Variants in STK11 observed in about 807,000 individuals in gnomAD.
STK11 encodes the protein serine/threonine-protein kinase STK11.
In STK11, 8 loss-of-function variants were observed where a neutral mutation model predicts 47.3. The observed-to-expected ratio is 0.17, with a 90% CI of 0.10 to 0.31. The LOEUF is 0.31. Among genes scored for constraint, STK11 ranks in the 10% least tolerant of loss-of-function variants. The probability of loss-of-function intolerance (pLI) is 1.00; values close to 1 mark genes in which losing one functional copy is unlikely to be tolerated. For missense variants in STK11, 475 were observed against 605.0 expected (o/e 0.79, Z 2.25); for synonymous variants, 330 against 255.8 (o/e 1.29, Z -2.77).
rs137853079 is a variant in STK11, at chr19:1,207,021, C to T, written c.108C>T (p.Tyr36=). The T allele has an allele frequency of 9.3e-6, 15 of 1,613,660 alleles. No homozygotes were observed. Among genetic ancestry groups the T allele is most frequent in the Middle Eastern group, 1.6e-4 (1 of 6,084 alleles). ...IHRIDSTEVI[Y]QPRRKRAKLI... is the part of the protein sequence containing the mutation. ...GCATCGACTCCACCGAGGTCATCTA[C>T]CAGCCGCGCCGCAAGCGGGCCAAGC... Residue 36 remains tyrosine, a synonymous_variant, in exon 1 of 10, where the codon TAC becomes TAT. Coordinates refer to ENST00000326873, the MANE Select transcript of STK11 (RefSeq NM_000455.5).
At chr19:1,218,800 C>T (rs951780925) in intron 2 of STK11, among the ~76,000 whole-genome samples, 1 of 152,240 alleles carries the variant, frequency 6.6e-6, no homozygotes. Flanking sequence ...AGACAGGCCA[C>T]GCGGGCTGAC....
intron 8 of STK11, chr19:1,224,058 G>T (rs2080804614): frequency 2.0e-6 from 2 of 1,001,464 alleles, no homozygotes; most frequent in Admixed American, 1.2e-4. Context: ...AATAGTGGGG[G>T]CCCTGCAGAG....
At chr19:1,215,912 T>G (rs542010954) in intron 1 of STK11, among the ~76,000 whole-genome samples, 1 of 152,150 alleles carries the variant, frequency 6.6e-6, no homozygotes, top group East Asian at 1.9e-4. Context: ...AATTTTTGTA[T>G]TTTTAGTAGA....
Position 1,215,758 on chromosome 19 carries a change from A to T in STK11, c.291-2659A>T, listed in dbSNP as rs148291260. ...TGACACCCCAAGTTTTTTTTTTGAG[A>T]TGGAGTCTTGCTCTGTCACCCAGGC... On this transcript the variant is annotated intron_variant, in intron 1 of 9. Transcript: ENST00000326873. Among the ~76,000 whole-genome samples, 41 of 151,842 alleles carry T rather than the reference A, an allele frequency of 2.7e-4. No homozygotes were observed. The East Asian group carries it at 7.3e-3, about 27-fold the overall frequency.
chr19:1,214,305 G>T lies in STK11; in HGVS notation c.291-4112G>T, dbSNP rs188559034. Among the ~76,000 whole-genome samples the T allele has an allele frequency of 2.1e-3, 313 of 152,320 alleles. 1 individual carries two copies. The highest frequency in any genetic ancestry group is 7.2e-3 in the African/African-American group (300 of 41,564). ...ACTCCTCCCCTGGCATAAATCGGGGGACGCACGTGCCTGCGCAGAATGCCT... is the reference window on the plus strand; with the variant it reads ...ACTCCTCCCCTGGCATAAATCGGGGTACGCACGTGCCTGCGCAGAATGCCT... On this transcript the variant is annotated intron_variant, in intron 1 of 9. Coordinates refer to ENST00000326873, the MANE Select transcript of STK11 (RefSeq NM_000455.5).
chr19:1,212,756 G>C (rs1432096664), intron 1 of STK11, among the ~76,000 whole-genome samples: 3 of 151,746 alleles, frequency 2.0e-5, no homozygotes, highest in Non-Finnish European at 4.4e-5. Flanking sequence ...GTGTTAGCCA[G>C]TATGGTCTCG....
At chr19:1,216,505 G>A (rs956325085) in intron 1 of STK11, 16 of 153,210 alleles carry the variant, frequency 1.0e-4, no homozygotes, top group South Asian at 2.1e-4. Context: ...GCTTGAACCC[G>A]GGAGGCAGAG....
chr19:1,213,016 A>C (rs1192392262), intron 1 of STK11, among the ~76,000 whole-genome samples: 1 of 65,722 alleles, frequency 1.5e-5, no homozygotes, highest in South Asian at 5.1e-4. Flanking sequence ...TTTTTTTTTG[A>C]GATGGAGTCT....
chr19:1,225,216 C>T (rs2080812495), intron 8 of STK11: 1 of 985,354 alleles, frequency 1.0e-6, no homozygotes, highest in Non-Finnish European at 1.2e-6. Flanking sequence ...CAGAGACGGG[C>T]TGGGCCCAAG....
In STK11 at chr19:1,221,204, G is replaced by A. The variant is rs201899557; in HGVS notation, c.735-9G>A. On this transcript the variant is annotated splice_polypyrimidine_tract_variant and intron_variant, in intron 5 of 9. Transcript: ENST00000326873. ...GACCACGCCTTTCTTCCCTCCCCTC[G>A]AAATGAAGCTACAACATCACCACGG... The A allele has an allele frequency of 3.7e-5, 60 of 1,611,332 alleles. No homozygotes were observed. The highest frequency in any genetic ancestry group is 3.3e-4 in the Admixed American group (20 of 59,964).
In STK11 at chr19:1,220,727, C is replaced by T. The variant is rs1303098395; in HGVS notation, c.734+10C>T. On this transcript the variant is annotated intron_variant, in intron 5 of 9. Transcript: ENST00000326873. ...CGGCTGGGGTCACCCTGTAAGTGCC[C>T]CGCCCCCCCGGGCACTCACCACACG... is the stretch of plus-strand genomic sequence containing the variant. The T allele has an allele frequency of 1.2e-6, 2 of 1,602,804 alleles. No individual in the cohort carries two copies. Among genetic ancestry groups the T allele is most frequent in the East Asian group, 4.5e-5 (2 of 44,710 alleles).
rs1057524353 is a variant in STK11, at chr19:1,207,129, G to T, written c.216G>T (p.Leu72=). 3.7e-6 allele frequency: 6 copies of T among 1,613,706 alleles called. No homozygotes were observed. In the Admixed American group the frequency reaches 1.0e-4, roughly 27 times the overall value. The change falls in exon 1 of 10, where the codon CTG becomes CTT. Residue 72 remains leucine, a synonymous_variant. Coordinates refer to ENST00000326873, the MANE Select transcript of STK11 (RefSeq NM_000455.5). Reference sequence around the variant, plus strand: ...AGGAGGTGCTGGACTCGGAGACGCTGTGCAGGAGGGCCGTCAAGATCCTCA... The same window carrying T: ...AGGAGGTGCTGGACTCGGAGACGCTTTGCAGGAGGGCCGTCAAGATCCTCA... ...KVKEVLDSET[L]CRRAVKILKK... is the part of the protein sequence containing the mutation.
intron 8 of STK11, chr19:1,223,741 G>A (rs909970789): frequency 3.8e-6 from 4 of 1,041,730 alleles, no homozygotes; most frequent in Non-Finnish European, 4.6e-6. Flanking sequence ...CGGCGCCGCA[G>A]TAGTGCCTGA....
chr19:1,221,421 G>T (rs886801125), intron 6 of STK11, 81 bp downstream of exon 6: 2 of 1,475,074 alleles, frequency 1.4e-6, no homozygotes. Flanking sequence ...GTGTCAGGTG[G>T]GGGGCTATTG....
chr19:1,205,790 A>G lies in STK11; in HGVS notation c.-1124A>G. On this transcript the variant is annotated 5_prime_UTR_variant, in exon 1 of 10. It removes an upstream start codon present in the reference 5' UTR. Coordinates refer to ENST00000326873, the MANE Select transcript of STK11 (RefSeq NM_000455.5). ...AGGGAGGGGGAGGGAGGTAAACAAG[A>G]TGGCGGCGGCGTGTCGGGCGCGGAA... is the stretch of plus-strand genomic sequence containing the variant. 5.2e-6 allele frequency: 1 copy of G among 193,844 alleles called. No individual in the cohort carries two copies. The highest frequency in any genetic ancestry group is 1.1e-5 in the Non-Finnish European group (1 of 92,838). 12.0% of individuals were successfully genotyped at this position (193,844 alleles called of 1,614,324 possible). A position where few individuals can be genotyped will look rare whatever the true frequency, so the allele number is the denominator to read the frequency against.
intron 1 of STK11, among the ~76,000 whole-genome samples, chr19:1,215,670 A>G (rs998168631): frequency 1.3e-5 from 2 of 152,194 alleles, no homozygotes; most frequent in African/African-American, 4.8e-5. Flanking sequence ...AAGGTGAGCC[A>G]AGGCTTCCTG....
At chr19:1,223,277 G>T in intron 8 of STK11, 105 bp downstream of exon 8, 1 of 1,358,668 alleles carries the variant, frequency 7.4e-7, no homozygotes, top group Non-Finnish European at 1.0e-6. Context: ...CTGCCCTCTG[G>T]TGGCCAATCC....
intron 9 of STK11, 126 bp from the exon 10 acceptor site, chr19:1,227,467 C>T (rs2080833492): frequency 1.3e-5 from 13 of 1,020,786 alleles, no homozygotes; most frequent in Non-Finnish European, 1.5e-5. Flanking sequence ...CTGGCCTCCC[C>T]TGCTGCCCCC....
chr19:1,210,776 C>T (rs1292798639), intron 1 of STK11, among the ~76,000 whole-genome samples: 1 of 151,978 alleles, frequency 6.6e-6, no homozygotes, highest in Non-Finnish European at 1.5e-5. Flanking sequence ...GCAGGAGAAT[C>T]ACTTGAACCC....
Sources: allele counts gnomAD v4.1 joint callset (sites outside exome capture counted in the v4.1 genomes callset), GRCh38; gene constraint gnomAD v4.1.1; transcripts MANE v1.5; gene names NCBI Gene and HGNC (gene_info 2026-07-23, HGNC 2026-07-21).